The following DCAF6 variants were observed in gnomAD, a reference collection of about 807,000 sequenced individuals.
The protein encoded by DCAF6 is DDB1- and CUL4-associated factor 6.
A neutral mutation model predicts 125.1 loss-of-function variants in DCAF6; 54 were observed. The observed-to-expected ratio is 0.43, with a 90% CI of 0.35 to 0.54. DCAF6 has a LOEUF of 0.54. DCAF6 is among the 20% of genes least tolerant of loss of function. The pLI is 0.01. For synonymous variants in DCAF6, 371 were observed against 390.4 expected, an observed-to-expected ratio of 0.95 and a Z score of 0.58; for missense variants, 934 against 1,161.7, an observed-to-expected ratio of 0.80 and a Z score of 2.85.
intron 17 of DCAF6, among the ~76,000 whole-genome samples, chr1:168,055,175 T>C (rs534651928): frequency 2.6e-5 from 4 of 152,260 alleles, no homozygotes; most frequent in East Asian, 1.9e-4. Flanking sequence ...TTGATTCTTA[T>C]AGAAAAGTTT....
intron 13 of DCAF6, among the ~76,000 whole-genome samples, chr1:168,040,354 A>G (rs1688367169): frequency 6.6e-6 from 1 of 152,010 alleles, no homozygotes; most frequent in Non-Finnish European, 1.5e-5. Flanking sequence ...TTTAAAAGGA[A>G]AAGGTTATTT....
chr1:167,902,799 G>A, the DCAF6 span, among the ~76,000 whole-genome samples: 3 of 152,348 alleles, frequency 2.0e-5, no homozygotes, highest in South Asian at 4.1e-4. Context: ...AAGATGGCAG[G>A]CAGAGGTTGA....
rs1277706546 is a variant in DCAF6, at chr1:167,980,874, T to A, written c.438+5859T>A. On this transcript the variant is annotated intron_variant, in intron 4 of 21. Transcript: ENST00000367840. The stretch of plus-strand genomic sequence containing the variant: ...TGATTTTGTTGTTATATCTAATAAA[T>A]CATTGTAAAATCCAATGTCATGAAG... Among the ~76,000 whole-genome samples, 8 of 151,876 alleles carry A rather than the reference T, an allele frequency of 5.3e-5. No homozygotes were observed. In the East Asian group the frequency reaches 1.5e-3, roughly 29 times the overall value.
chr1:167,871,573 A>G, the DCAF6 span, among the ~76,000 whole-genome samples: 4 of 152,230 alleles, frequency 2.6e-5, no homozygotes, highest in African/African-American at 9.6e-5. Flanking sequence ...TTCTGTCAAA[A>G]AAGTTGGAGA....
At chr1:167,934,988 C>T (rs1327013470), upstream of DCAF6, among the ~76,000 whole-genome samples, 1 of 151,766 alleles carries the variant, frequency 6.6e-6, no homozygotes, top group East Asian at 1.9e-4. Context: ...AGAGATGTAA[C>T]GTTTACTGAG....
intron 17 of DCAF6, among the ~76,000 whole-genome samples, chr1:168,057,754 G>A (rs1691071887): frequency 6.6e-6 from 1 of 152,058 alleles, no homozygotes; most frequent in African/African-American, 2.4e-5. Context: ...AGAGTATTAA[G>A]GACCCCTAAT....
the DCAF6 span, among the ~76,000 whole-genome samples, chr1:167,921,012 T>C: frequency 6.6e-6 from 1 of 152,188 alleles, no homozygotes; most frequent in Non-Finnish European, 1.5e-5. Flanking sequence ...GCATGGAAGA[T>C]ACCTAAAAGC....
At chr1:167,902,387 T>C in the DCAF6 span, among the ~76,000 whole-genome samples, 1 of 152,190 alleles carries the variant, frequency 6.6e-6, no homozygotes, top group Non-Finnish European at 1.5e-5. Flanking sequence ...TATTGATCAA[T>C]ATATGTTATA....
the DCAF6 span, chr1:167,893,996 G>A: frequency 1.6e-6 from 2 of 1,248,722 alleles, no homozygotes; most frequent in Non-Finnish European, 2.3e-6. Flanking sequence ...GCTCTGCAGT[G>A]CTAGTGAGAG....
At chr1:168,050,986 C>A in intron 17 of DCAF6, 53 bp downstream of exon 17, 1 of 955,628 alleles carries the variant, frequency 1.0e-6, no homozygotes, top group South Asian at 2.7e-5. Flanking sequence ...TTTGCCAGGT[C>A]TTCTTTTGCC....
chr1:167,929,652 T>C, the DCAF6 span, among the ~76,000 whole-genome samples: 2 of 152,218 alleles, frequency 1.3e-5, no homozygotes, highest in African/African-American at 4.8e-5. Context: ...GAGAAATTAC[T>C]GTTAATAAAA....
At chr1:167,975,764 G>C (rs1249210595) in intron 4 of DCAF6, among the ~76,000 whole-genome samples, 1 of 152,228 alleles carries the variant, frequency 6.6e-6, no homozygotes, top group Middle Eastern at 3.4e-3. Flanking sequence ...TGTTGCCAGG[G>C]CTGGTCTCCA....
rs1200123085 is a variant in DCAF6 at position 167,949,612 on chromosome 1, A to G, written c.98-2188A>G. Reference sequence around the variant, plus strand: ...TGAGACTTGGATTACAGGAAGAACCAATGTAAACCTGAAGCTCATACTGCT... The same window carrying G: ...TGAGACTTGGATTACAGGAAGAACCGATGTAAACCTGAAGCTCATACTGCT... On this transcript the variant is annotated intron_variant, in intron 1 of 21. Transcript: ENST00000367840. Among the ~76,000 whole-genome samples, 3 of 152,210 alleles carry G rather than the reference A, an allele frequency of 2.0e-5. No homozygotes were observed. In the East Asian group the frequency reaches 5.8e-4, roughly 29 times the overall value.
At chr1:167,933,497 T>C (rs1233405268), upstream of DCAF6, among the ~76,000 whole-genome samples, 7 of 152,202 alleles carry the variant, frequency 4.6e-5, no homozygotes, top group Admixed American at 2.0e-4. Flanking sequence ...TGTCGAGACA[T>C]ACAGTGTCAG....
the DCAF6 span, among the ~76,000 whole-genome samples, chr1:167,865,855 T>A: frequency 2.0e-5 from 3 of 152,228 alleles, no homozygotes; most frequent in African/African-American, 7.2e-5. Context: ...GGTCCTCCAG[T>A]CCACCAGGCG....
At chr1:168,062,156 A>G (rs1691675711) in intron 17 of DCAF6, among the ~76,000 whole-genome samples, 1 of 152,184 alleles carries the variant, frequency 6.6e-6, no homozygotes, top group African/African-American at 2.4e-5. Flanking sequence ...GACATAAAAA[A>G]AATGTATTAT....
chr1:167,969,299 C>T (rs1676937890), intron 3 of DCAF6: 1 of 152,130 alleles, frequency 6.6e-6, no homozygotes, highest in Non-Finnish European at 1.5e-5. Flanking sequence ...ATGTAATCTT[C>T]AGCCAAGTAG....
upstream of DCAF6, among the ~76,000 whole-genome samples, chr1:167,933,504 T>C (rs1018857641): frequency 1.3e-5 from 2 of 152,208 alleles, no homozygotes; most frequent in African/African-American, 4.8e-5. Context: ...ACATACAGTG[T>C]CAGTGATAAA....
chr1:167,993,499 C>A, intron 7 of DCAF6, 59 bp downstream of exon 7: 2 of 1,466,876 alleles, frequency 1.4e-6, no homozygotes, highest in Non-Finnish European at 1.9e-6. Flanking sequence ...CCTGTAATCC[C>A]AGCGCTTTGG....
Sources: gnomAD v4.1 joint callset for allele counts (sites outside exome capture counted in the v4.1 genomes callset) on GRCh38, gnomAD v4.1.1 for gene constraint, MANE v1.5 for transcripts, NCBI Gene and HGNC (gene_info 2026-07-23, HGNC 2026-07-21) for gene names.